The following TBC1D14 variants were observed in gnomAD, a reference collection of about 807,000 sequenced individuals.
TBC1D14 encodes the protein TBC1 domain family member 14.
TBC1D14 carries 26 observed loss-of-function variants against 79.0 expected under a neutral mutation model. That is an observed-to-expected ratio of 0.33 (90% CI 0.24 to 0.46). The LOEUF is 0.46. TBC1D14 is among the 20% of genes least tolerant of loss of function. TBC1D14 has a pLI of 1.00. For synonymous variants in TBC1D14, 394 were observed against 349.9 expected, an observed-to-expected ratio of 1.13 and a Z score of -1.40; for missense variants, 769 against 887.6, an observed-to-expected ratio of 0.87 and a Z score of 1.70.
At chr4:6,941,774 A>T (rs1260145130) in intron 2 of TBC1D14, among the ~76,000 whole-genome samples, 3 of 152,202 alleles carry the variant, frequency 2.0e-5, no homozygotes, top group African/African-American at 7.2e-5. Context: ...TTTGCTCCAG[A>T]TACGTCAGAC....
In TBC1D14 at chr4:7,030,384, C is replaced by T. The variant is rs544220021; in HGVS notation, c.2074C>T (p.Arg692Ter). 17 of 1,613,898 alleles carry T rather than the reference C, an allele frequency of 1.1e-5. No homozygotes were observed. The highest frequency in any genetic ancestry group is 1.7e-4 in the Middle Eastern group (1 of 6,056). Residue 692 changes from arginine (R) to a stop codon, truncating the protein, a stop_gained, in exon 14 of 14, where the codon CGA becomes TGA. Transcript: ENST00000409757. LOFTEE classifies it high-confidence loss of function. ...AATGGAGAAGGGAAGTCCGTCCCTC[C>T]GACACTGAGGCTGCAGCGGGAATTC... Reference protein sequence around the residue: ...REMEKGSPSLRH With the variant: ...REMEKGSPSL
intron 11 of TBC1D14, among the ~76,000 whole-genome samples, chr4:7,014,044 C>T (rs1432380781): frequency 1.3e-5 from 2 of 152,206 alleles, no homozygotes; most frequent in Admixed American, 6.5e-5. Context: ...CCACCGCACC[C>T]GGCCTCCAGA....
chr4:6,996,299 T>A (rs1368754530), intron 4 of TBC1D14, 26 bp from the exon 5 acceptor site: 3 of 1,596,606 alleles, frequency 1.9e-6, no homozygotes, highest in African/African-American at 2.7e-5. Flanking sequence ...TTTATAATGG[T>A]GAAAACTCAT....
chr4:7,023,003 C>T (rs1443953675), intron 12 of TBC1D14, among the ~76,000 whole-genome samples: 3 of 152,100 alleles, frequency 2.0e-5, no homozygotes, highest in Non-Finnish European at 2.9e-5. Flanking sequence ...CGCCTGTAAT[C>T]CCAGCACTTT....
At chr4:6,950,824 G>T (rs1374039682) in intron 2 of TBC1D14, among the ~76,000 whole-genome samples, 1 of 152,040 alleles carries the variant, frequency 6.6e-6, no homozygotes, top group Non-Finnish European at 1.5e-5. Context: ...TTTTGTTTGG[G>T]ACTTTACTGT....
intron 3 of TBC1D14, among the ~76,000 whole-genome samples, chr4:6,976,166 C>T (rs1475718695): frequency 2.0e-5 from 3 of 152,092 alleles, no homozygotes; most frequent in Non-Finnish European, 4.4e-5. Flanking sequence ...TGAACAGAGC[C>T]TTAGGAACAT....
At chr4:6,916,755 T>G (rs1220393944) in intron 1 of TBC1D14, among the ~76,000 whole-genome samples, 1 of 152,236 alleles carries the variant, frequency 6.6e-6, no homozygotes, top group African/African-American at 2.4e-5. Context: ...CTTCCTCTTA[T>G]CCGTACTTCA....
intron 2 of TBC1D14, among the ~76,000 whole-genome samples, chr4:6,952,541 A>C (rs994971862): frequency 2.6e-5 from 4 of 152,386 alleles, no homozygotes; most frequent in Non-Finnish European, 5.9e-5. Context: ...TTGCAAAAGT[A>C]ATATGTGCTT....
intron 2 of TBC1D14, among the ~76,000 whole-genome samples, chr4:6,927,414 T>G (rs1724378270): frequency 6.6e-6 from 1 of 152,176 alleles, no homozygotes; most frequent in Non-Finnish European, 1.5e-5. Flanking sequence ...CTCTGAGCCT[T>G]AAGTAGGGGA....
chr4:6,924,359 G>A (rs1042778680), intron 2 of TBC1D14, among the ~76,000 whole-genome samples: 11 of 152,180 alleles, frequency 7.2e-5, no homozygotes, highest in African/African-American at 2.7e-4. Context: ...CTGACCTGCT[G>A]TGGCTGTCCC....
intron 3 of TBC1D14, among the ~76,000 whole-genome samples, chr4:6,986,367 T>TG (rs1437587523): frequency 6.6e-6 from 1 of 152,236 alleles, no homozygotes; most frequent in Non-Finnish European, 1.5e-5. Context: ...TGGTAGGGGA[T>TG]GCTGAATTAT....
chr4:7,021,657 AC>A (rs1721848243), intron 12 of TBC1D14, among the ~76,000 whole-genome samples: 1 of 36,950 alleles, frequency 2.7e-5, no homozygotes, highest in Non-Finnish European at 4.7e-5. Flanking sequence ...ACTTGAAATT[AC>A]TTTTTTTTTT....
intron 2 of TBC1D14, 119 bp downstream of exon 2, chr4:6,924,230 G>C: frequency 7.3e-7 from 1 of 1,362,042 alleles, no homozygotes; most frequent in Non-Finnish European, 9.7e-7. Context: ...GTCTCACACA[G>C]ATAATTGGGT....
At chr4:7,025,404 A>C in intron 13 of TBC1D14, 142 bp downstream of exon 13, 1 of 1,369,384 alleles carries the variant, frequency 7.3e-7, no homozygotes, top group Non-Finnish European at 9.7e-7. Flanking sequence ...GGCCGGGTGG[A>C]GACGTGGCTG....
At chr4:6,984,910 C>T (rs895424500) in intron 3 of TBC1D14, among the ~76,000 whole-genome samples, 4 of 152,110 alleles carry the variant, frequency 2.6e-5, no homozygotes, top group Non-Finnish European at 1.5e-5. Flanking sequence ...GCGGGTGGCC[C>T]GTTGTGTACG....
chr4:6,956,562 G>T (rs1020380082), intron 2 of TBC1D14, among the ~76,000 whole-genome samples: 2 of 152,168 alleles, frequency 1.3e-5, no homozygotes, highest in South Asian at 2.1e-4. Flanking sequence ...CTTCACTCTC[G>T]CCTGGCCCTA....
rs1338120257 is a variant in TBC1D14 at position 7,001,397 on chromosome 4, G to A, written c.1270+146G>A. ...GGAGACTGTGTCCTTCAGGAGAGAG[G>A]GGCAGTTGGGAGGCCTGGGTTTAGT... is the stretch of plus-strand genomic sequence containing the variant. On this transcript the variant is annotated intron_variant, in intron 7 of 13. Coordinates refer to ENST00000409757, the MANE Select transcript of TBC1D14 (RefSeq NM_020773.3). 3 of 692,738 alleles carry A rather than the reference G, an allele frequency of 4.3e-6. No individual in the cohort carries two copies. The East Asian group carries it at 8.3e-5, about 19-fold the overall frequency. The allele number at this position is 692,738 out of a possible 1,614,324, so 42.9% of individuals were successfully genotyped here.
chr4:6,966,683 T>C (rs1715725348), intron 2 of TBC1D14, among the ~76,000 whole-genome samples: 1 of 152,230 alleles, frequency 6.6e-6, no homozygotes, highest in Non-Finnish European at 1.5e-5. Context: ...TAATGAATGG[T>C]TGAGCCAGAG....
chr4:6,914,516 T>G (rs1440098191), intron 1 of TBC1D14, among the ~76,000 whole-genome samples: 1 of 152,218 alleles, frequency 6.6e-6, no homozygotes, highest in African/African-American at 2.4e-5. Context: ...AGTGAGTGCC[T>G]CGGCTACTCA....
Sources: gnomAD v4.1 joint callset for allele counts (sites outside exome capture counted in the v4.1 genomes callset) on GRCh38, gnomAD v4.1.1 for gene constraint, MANE v1.5 for transcripts, NCBI Gene and HGNC (gene_info 2026-07-23, HGNC 2026-07-21) for gene names.